ABLIM1: variants seen among roughly 807,000 people sequenced by gnomAD.
ABLIM1 encodes the protein actin binding LIM protein 1.
In ABLIM1, 40 loss-of-function variants were observed where a neutral mutation model predicts 107.0. The ratio of observed to expected loss-of-function variants is 0.37; its 90% CI spans 0.29 to 0.49. ABLIM1 has a LOEUF of 0.49. ABLIM1 is among the 20% of genes least tolerant of loss of function. The probability of loss-of-function intolerance (pLI) is 0.97; values close to 1 mark genes in which losing one functional copy is unlikely to be tolerated. For synonymous variants in ABLIM1, 357 were observed against 357.3 expected, an observed-to-expected ratio of 1.00 and a Z score of 0.01; for missense variants, 857 against 1,008.5, an observed-to-expected ratio of 0.85 and a Z score of 2.04.
rs1331024270 is a variant in ABLIM1, at chr10:114,764,498, T to C, written c.-213+3563A>G. Among the ~76,000 whole-genome samples the C allele has an allele frequency of 2.6e-5, 4 of 151,328 alleles. No individual in the cohort carries two copies. In the East Asian group the frequency reaches 7.8e-4, roughly 30 times the overall value. On this transcript the variant is annotated intron_variant, in intron 1 of 15. Coordinates refer to the ABLIM1 transcript ENST00000651092. ...CTGGGATTACAGGCGTGTGCCACCA[T>C]GCCCGGCTAATTTTTGTATTTTTAA...
At chr10:114,578,714 C>T (rs1244345278) in intron 2 of ABLIM1, among the ~76,000 whole-genome samples, 1 of 151,376 alleles carries the variant, frequency 6.6e-6, no homozygotes, top group East Asian at 1.9e-4. Context: ...CCAACATCAA[C>T]ATCTTCAACT....
In ABLIM1 at chr10:114,756,083, AGTGTGT is replaced by A. The variant is rs10624515; in HGVS notation, c.-213+11972_-213+11977del. On this transcript the variant is annotated intron_variant, in intron 1 of 15. Transcript: ENST00000651092. ...CATAGGAATTGTGAGTGTGTTTGTGAGTGTGTGTGTGTGTGTGTGTGTTCTAAAAGA... is the reference window on the plus strand; with the variant it reads ...CATAGGAATTGTGAGTGTGTTTGTGAGTGTGTGTGTGTGTGTTCTAAAAGA... Among the ~76,000 whole-genome samples, 141 of 150,740 alleles carry A rather than the reference AGTGTGT, an allele frequency of 9.4e-4. 1 individual carries two copies. The Middle Eastern group carries it at 0.014, about 15-fold the overall frequency.
chr10:114,507,733 A>C (rs1411034089), intron 6 of ABLIM1, among the ~76,000 whole-genome samples: 1 of 152,174 alleles, frequency 6.6e-6, no homozygotes, highest in Non-Finnish European at 1.5e-5. Context: ...CTCAAGGGAG[A>C]CAGCCCAACC....
In ABLIM1 at chr10:114,508,780, A is replaced by C. The variant is rs186968227; in HGVS notation, c.895-16902T>G. 1.1e-3 allele frequency among the ~76,000 whole-genome samples: 173 copies of C among 152,350 alleles called. No individual in the cohort carries two copies. In the South Asian group the frequency reaches 0.012, roughly 10 times the overall value. On this transcript the variant is annotated intron_variant, in intron 6 of 22. Transcript: ENST00000533213. ...ATTGGCAGTTACTGTGAATTAAACA[A>C]GCCTTATATAGGAAAATACTGCATT...
intron 16 of ABLIM1, 65 bp from the exon 17 acceptor site, chr10:114,444,199 G>C: frequency 7.3e-7 from 1 of 1,370,846 alleles, no homozygotes; most frequent in Non-Finnish European, 9.9e-7. Context: ...CTTTCATGGA[G>C]CTGCAGTTTC....
chr10:114,443,672 T>TAAAAA (rs11418258), intron 17 of ABLIM1, among the ~76,000 whole-genome samples: 4 of 107,352 alleles, frequency 3.7e-5, no homozygotes, highest in African/African-American at 7.0e-5. Context: ...TCATGTTATC[T>TAAAAA]AAAAAAAAAA....
At chr10:114,777,248 CCTT>C in the ABLIM1 span, among the ~76,000 whole-genome samples, 23 of 151,648 alleles carry the variant, frequency 1.5e-4, no homozygotes, top group Non-Finnish European at 2.8e-4. Context: ...CAGATAGTGT[CCTT>C]TTCATTTCTA....
intron 17 of ABLIM1, 122 bp from the exon 18 acceptor site, chr10:114,441,908 G>A: frequency 1.2e-6 from 1 of 822,536 alleles, no homozygotes; most frequent in Admixed American, 2.3e-5. Context: ...AATCATATTG[G>A]GCTCAAATGT....
chr10:114,471,883 A>C (rs1349638423), intron 10 of ABLIM1, among the ~76,000 whole-genome samples: 1 of 152,162 alleles, frequency 6.6e-6, no homozygotes, highest in South Asian at 2.1e-4. Flanking sequence ...ATCAGTCTAC[A>C]GATGATTCTA....
chr10:114,482,190 A>G (rs1428156004), intron 8 of ABLIM1, among the ~76,000 whole-genome samples: 4 of 152,232 alleles, frequency 2.6e-5, no homozygotes, highest in Non-Finnish European at 5.9e-5. Flanking sequence ...TTACCTGTAG[A>G]CAAAATTTGC....
intron 2 of ABLIM1, chr10:114,595,076 C>T (rs1268274089): frequency 6.6e-6 from 1 of 150,958 alleles, no homozygotes; most frequent in African/African-American, 2.4e-5. Context: ...GCTGAACAAT[C>T]TTGATTCTCT....
rs76513251 is a variant in ABLIM1, at chr10:114,504,524, G to A, written c.895-12646C>T. 7.3e-3 allele frequency among the ~76,000 whole-genome samples: 1,112 copies of A among 152,218 alleles called. 21 individuals carry two copies. Among genetic ancestry groups the A allele is most frequent in the African/African-American group, 0.025 (1,055 of 41,530 alleles). On this transcript the variant is annotated intron_variant, in intron 6 of 22. Coordinates refer to ENST00000533213, the MANE Select transcript of ABLIM1 (RefSeq NM_002313.7). ...GAAGCTAACCGCCTGGTAAGATCCA[G>A]TGGATCTTCCTAAGGCCATCCCTTG...
chr10:114,648,114 G>C (rs55776012), intron 1 of ABLIM1, among the ~76,000 whole-genome samples: 8 of 152,162 alleles, frequency 5.3e-5, no homozygotes, highest in African/African-American at 1.9e-4. Context: ...TGTAGAAAAC[G>C]GTTTGACAGT....
chr10:114,461,863 G>A (rs1426880581), intron 12 of ABLIM1, among the ~76,000 whole-genome samples: 1 of 152,078 alleles, frequency 6.6e-6, no homozygotes, highest in Non-Finnish European at 1.5e-5. Flanking sequence ...AAAATAATCT[G>A]TCAAGAGTTT....
chr10:114,484,285 A>T (rs2057845061), intron 8 of ABLIM1, among the ~76,000 whole-genome samples: 1 of 152,194 alleles, frequency 6.6e-6, no homozygotes, highest in Non-Finnish European at 1.5e-5. Context: ...GCTACCTCGC[A>T]GGAATTCTTA....
At chr10:114,493,930 T>C (rs1349540833) in intron 6 of ABLIM1, among the ~76,000 whole-genome samples, 3 of 152,170 alleles carry the variant, frequency 2.0e-5, no homozygotes, top group African/African-American at 7.2e-5. Flanking sequence ...ACAGAATAAA[T>C]GCACACACAA....
intron 1 of ABLIM1, among the ~76,000 whole-genome samples, chr10:114,603,729 G>T (rs1010393828): frequency 1.3e-5 from 2 of 151,758 alleles, no homozygotes; most frequent in East Asian, 1.9e-4. Flanking sequence ...CGAGGTGGGC[G>T]GATCACCTGA....
chr10:114,591,422 T>C (rs1052326760), intron 2 of ABLIM1, among the ~76,000 whole-genome samples: 1 of 152,216 alleles, frequency 6.6e-6, no homozygotes, highest in Non-Finnish European at 1.5e-5. Context: ...ATTTCCTCTA[T>C]ATATAATCTG....
intron 8 of ABLIM1, among the ~76,000 whole-genome samples, chr10:114,477,775 G>A (rs1207014165): frequency 6.6e-6 from 1 of 151,918 alleles, no homozygotes; most frequent in Non-Finnish European, 1.5e-5. Context: ...CCAGCCTGGA[G>A]TGCAGTGGCA....
Sources: allele counts gnomAD v4.1 joint callset (sites outside exome capture counted in the v4.1 genomes callset), GRCh38; gene constraint gnomAD v4.1.1; transcripts MANE v1.5; gene names NCBI Gene and HGNC (gene_info 2026-07-23, HGNC 2026-07-21).